The following PLCH1 variants were observed in gnomAD, a reference collection of about 807,000 sequenced individuals.
PLCH1 encodes 1-phosphatidylinositol 4,5-bisphosphate phosphodiesterase eta-1.
A neutral mutation model predicts 126.7 loss-of-function variants in PLCH1; 60 were observed. The ratio of observed to expected loss-of-function variants is 0.47; its 90% CI spans 0.38 to 0.59. The LOEUF (loss-of-function observed/expected upper bound fraction) is 0.59, where lower values mean the gene tolerates loss of function less well. PLCH1 is among the 20% of genes least tolerant of loss of function. The pLI is 0.00. For synonymous variants in PLCH1, 719 were observed against 734.9 expected, an observed-to-expected ratio of 0.98 and a Z score of 0.35; for missense variants, 1,723 against 2,040.0, an observed-to-expected ratio of 0.84 and a Z score of 2.99.
intron 2 of PLCH1, among the ~76,000 whole-genome samples, chr3:155,617,889 A>C (rs900730883): frequency 6.6e-6 from 1 of 152,170 alleles, no homozygotes; most frequent in Non-Finnish European, 1.5e-5. Flanking sequence ...AGGAGCCCCA[A>C]GTTAACTTTG....
At chr3:155,617,771 C>T (rs189099684) in intron 2 of PLCH1, among the ~76,000 whole-genome samples, 2 of 152,218 alleles carry the variant, frequency 1.3e-5, no homozygotes, top group Admixed American at 1.3e-4. Context: ...ATTTATAGAG[C>T]CAATAAAATC....
intron 12 of PLCH1, among the ~76,000 whole-genome samples, chr3:155,512,197 G>A (rs552834158): frequency 2.6e-5 from 4 of 152,096 alleles, no homozygotes; most frequent in East Asian, 1.9e-4. Flanking sequence ...GCAATGCCTC[G>A]CCCTCCCATT....
chr3:155,492,665 A>C, intron 18 of PLCH1, 64 bp downstream of exon 18: 2 of 1,420,428 alleles, frequency 1.4e-6, no homozygotes, highest in Non-Finnish European at 1.9e-6. Context: ...TTTCGGATAA[A>C]ATGTAAATGC....
At chr3:155,668,890 T>TAAAAGA (rs996052490) in intron 2 of PLCH1, among the ~76,000 whole-genome samples, 2 of 152,078 alleles carry the variant, frequency 1.3e-5, no homozygotes, top group African/African-American at 2.4e-5. Context: ...AGACTCAGTC[T>TAAAAGA]AAAAGAAAAA....
rs766547445 is a variant in PLCH1, at chr3:155,586,152, G to A, written c.513C>T (p.Asp171=). Residue 171 remains aspartate, a synonymous_variant, in exon 5 of 23, where the codon GAC becomes GAT. Transcript: ENST00000460012. ...GTATCTCTTCAATATTCAGCAAGCC[G>A]TCACCATTCTTATCAGCTTCCTCAA... ...QTFEEADKNG[D]GLLNIEEIHQ... is the part of the protein sequence containing the mutation. The A allele has an allele frequency of 2.6e-5, 42 of 1,613,706 alleles. No homozygotes were observed. The highest frequency in any genetic ancestry group is 5.0e-5 in the Admixed American group (3 of 59,996).
chr3:155,570,752 A>T (rs904083517), intron 6 of PLCH1, among the ~76,000 whole-genome samples: 3 of 152,238 alleles, frequency 2.0e-5, no homozygotes, highest in Non-Finnish European at 4.4e-5. Flanking sequence ...CTTCAAGTCC[A>T]AAGCACTTTC....
At chr3:155,723,720 C>T (rs1181389065) in intron 1 of PLCH1, among the ~76,000 whole-genome samples, 2 of 152,170 alleles carry the variant, frequency 1.3e-5, no homozygotes, top group East Asian at 3.9e-4. Context: ...TTTTGGGATG[C>T]CAAGCCAGGT....
intron 1 of PLCH1, among the ~76,000 whole-genome samples, chr3:155,715,672 G>A (rs1013909339): frequency 3.3e-5 from 5 of 149,740 alleles, no homozygotes; most frequent in African/African-American, 9.9e-5. Flanking sequence ...GAGTGCAGTG[G>A]CATGATCATG....
chr3:155,486,045 A>T, intron 21 of PLCH1: 2 of 750,630 alleles, frequency 2.7e-6, no homozygotes, highest in East Asian at 5.4e-5. Flanking sequence ...GCATGTTTCA[A>T]AGTGGTAAGC....
downstream of PLCH1, among the ~76,000 whole-genome samples, chr3:155,477,415 G>A (rs1199639053): frequency 6.6e-6 from 1 of 151,868 alleles, no homozygotes; most frequent in Non-Finnish European, 1.5e-5. Context: ...CAAGTTAAAA[G>A]GCTTCTGCAC....
At chr3:155,642,210 C>T (rs891230630) in intron 2 of PLCH1, among the ~76,000 whole-genome samples, 7 of 152,196 alleles carry the variant, frequency 4.6e-5, no homozygotes, top group Admixed American at 2.0e-4. Flanking sequence ...CACGGTCACA[C>T]AGCCTGTAAG....
intron 7 of PLCH1, among the ~76,000 whole-genome samples, chr3:155,565,852 C>A (rs920006539): frequency 6.6e-6 from 1 of 151,332 alleles, no homozygotes; most frequent in South Asian, 2.1e-4. Flanking sequence ...TGCGCCACTG[C>A]GTGTAGCTAA....
intron 2 of PLCH1, among the ~76,000 whole-genome samples, chr3:155,598,115 A>C (rs1274322768): frequency 6.6e-6 from 1 of 151,976 alleles, no homozygotes; most frequent in Non-Finnish European, 1.5e-5. Flanking sequence ...ACCCGGGAGA[A>C]GGAGGTTGCA....
intron 2 of PLCH1, among the ~76,000 whole-genome samples, chr3:155,680,566 G>C (rs1182569485): frequency 1.3e-5 from 2 of 152,140 alleles, no homozygotes; most frequent in Non-Finnish European, 2.9e-5. Flanking sequence ...CAATTAAGGG[G>C]AGGATCTCAC....
intron 13 of PLCH1, among the ~76,000 whole-genome samples, chr3:155,502,784 A>C (rs959383096): frequency 6.6e-6 from 1 of 152,214 alleles, no homozygotes; most frequent in Non-Finnish European, 1.5e-5. Flanking sequence ...TAATGGCTGC[A>C]TCATTGTCCA....
rs371308092 is a variant in PLCH1, at chr3:155,469,971, A to G, written c.2938+15385T>C. Among the ~76,000 whole-genome samples, 28 of 152,334 alleles carry G rather than the reference A, an allele frequency of 1.8e-4. No individual in the cohort carries two copies. The East Asian group carries it at 2.5e-3, about 14-fold the overall frequency. On this transcript the variant is annotated intron_variant, in intron 21 of 21. Coordinates refer to the PLCH1 transcript ENST00000494598. ...CAAAAGTAGATAAAACCACAAAGAT[A>G]GGGAAAAAACAGAACAGAAAAACTG...
chr3:155,681,559 T>C (rs1329884393), intron 2 of PLCH1, among the ~76,000 whole-genome samples: 2 of 152,222 alleles, frequency 1.3e-5, no homozygotes, highest in African/African-American at 4.8e-5. Flanking sequence ...TTGAGTCACT[T>C]ATTGCCTTCA....
chr3:155,585,354 G>T (rs1200207435), intron 5 of PLCH1, among the ~76,000 whole-genome samples: 2 of 152,108 alleles, frequency 1.3e-5, no homozygotes, highest in African/African-American at 4.8e-5. Context: ...GCAAAACATG[G>T]ATTATGCACG....
At chr3:155,603,495 C>G (rs1484310013) in intron 2 of PLCH1, among the ~76,000 whole-genome samples, 1 of 152,126 alleles carries the variant, frequency 6.6e-6, no homozygotes, top group Non-Finnish European at 1.5e-5. Context: ...ATAACAGCAT[C>G]TGCCCACAGT....
Sources: gnomAD v4.1 joint callset for allele counts (sites outside exome capture counted in the v4.1 genomes callset) on GRCh38, gnomAD v4.1.1 for gene constraint, MANE v1.5 for transcripts, NCBI Gene and HGNC (gene_info 2026-07-23, HGNC 2026-07-21) for gene names.